Variants in ASAP1 observed in about 807,000 individuals in gnomAD.
ASAP1 encodes the protein ArfGAP with SH3 domain, ankyrin repeat and PH domain 1.
A neutral mutation model predicts 145.2 loss-of-function variants in ASAP1; 43 were observed. The observed-to-expected ratio is 0.30, with a 90% confidence interval of 0.23 to 0.38. The LOEUF (loss-of-function observed/expected upper bound fraction) is 0.38. Ranked by LOEUF, ASAP1 falls within the 10% of genes least tolerant of loss-of-function variation. The pLI is 1.00. For missense variants in ASAP1, 1,018 were observed against 1,355.3 expected (o/e 0.75, Z 3.91); for synonymous variants, 546 against 515.5 (o/e 1.06, Z -0.80).
At chr8:130,400,099 C>T (rs1828715749) in intron 2 of ASAP1, among the ~76,000 whole-genome samples, 1 of 152,160 alleles carries the variant, frequency 6.6e-6, no homozygotes, top group Non-Finnish European at 1.5e-5. Flanking sequence ...GGATTACAGG[C>T]GTGAGCCATC....
chr8:130,352,212 GTTT>G (rs11420981), intron 3 of ASAP1, among the ~76,000 whole-genome samples: 1 of 139,676 alleles, frequency 7.2e-6, no homozygotes. Context: ...CTTCCTAAGG[GTTT>G]TTTTTTTTTT....
chr8:130,167,809 T>A (rs561545833), intron 10 of ASAP1, among the ~76,000 whole-genome samples, 187 bp from the exon 11 acceptor site: 28 of 152,212 alleles, frequency 1.8e-4, no homozygotes, highest in Non-Finnish European at 2.4e-4. Flanking sequence ...GTTTTGAAAT[T>A]AGTGAATAAT....
At chr8:130,416,353 T>A (rs1222258601) in intron 1 of ASAP1, among the ~76,000 whole-genome samples, 1 of 152,242 alleles carries the variant, frequency 6.6e-6, no homozygotes, top group Non-Finnish European at 1.5e-5. Context: ...GCTAGCACAG[T>A]GCCTGGCCTA....
At chr8:130,282,211 A>G (rs1482204493) in intron 3 of ASAP1, among the ~76,000 whole-genome samples, 2 of 152,226 alleles carry the variant, frequency 1.3e-5, no homozygotes, top group Non-Finnish European at 2.9e-5. Flanking sequence ...AGTGTCTAAA[A>G]TCCTGCAAGT....
rs1425941577 is a variant in ASAP1, at chr8:130,092,048, C to T, written c.2497G>A (p.Gly833Arg). 1.9e-6 allele frequency: 3 copies of T among 1,573,842 alleles called. No individual in the cohort carries two copies. Among genetic ancestry groups the T allele is most frequent in the Non-Finnish European group, 2.6e-6 (3 of 1,164,648 alleles). Residue 833 changes from glycine (G) to arginine (R), a missense_variant, in exon 25 of 30, where the codon GGA becomes AGA. Gly to Arg is a moderately radical substitution (Grantham distance 125). Around this residue, in one of 9 missense-constraint regions of ASAP1, gnomAD observed 353 missense variants for 375.4 expected, o/e 0.94. Transcript: ENST00000518721. The part of the protein sequence containing the change: ...SKKRPPPPPP[G>R]HKRTLSDPPS... ...GGGTCGGATAGGGTTCTCTTGTGTC[C>T]GGGTGGTGGGGGAGGAGGCCTCTTC...
At chr8:130,256,738 CTT>C (rs1491218624) in intron 3 of ASAP1, among the ~76,000 whole-genome samples, 1,530 of 70,690 alleles carry the variant, frequency 0.022, 102 homozygotes, top group Middle Eastern at 0.039. Flanking sequence ...TATACACATT[CTT>C]ATATATATAT....
chr8:130,385,292 C>T (rs930035182), intron 2 of ASAP1, among the ~76,000 whole-genome samples: 1 of 152,270 alleles, frequency 6.6e-6, no homozygotes, highest in South Asian at 2.1e-4. Context: ...ATGGTGAAAC[C>T]CCGTCTCCAC....
intron 2 of ASAP1, among the ~76,000 whole-genome samples, chr8:130,375,431 A>G (rs1009931371): frequency 1.3e-5 from 2 of 151,910 alleles, no homozygotes; most frequent in Non-Finnish European, 2.9e-5. Context: ...ATAGTGGCTC[A>G]TGCCTGTAAT....
chr8:130,407,914 C>G (rs1156247157), intron 1 of ASAP1, among the ~76,000 whole-genome samples: 3 of 152,172 alleles, frequency 2.0e-5, no homozygotes, highest in Non-Finnish European at 4.4e-5. Flanking sequence ...ATTTTTTCCC[C>G]ATAATATCAA....
At chr8:130,239,060 AT>A (rs1314198009) in intron 3 of ASAP1, among the ~76,000 whole-genome samples, 1 of 152,158 alleles carries the variant, frequency 6.6e-6, no homozygotes, top group Admixed American at 6.6e-5. Flanking sequence ...AAAAACCAGG[AT>A]CACTTACCAT....
chr8:130,124,107 G>A lies in ASAP1; in HGVS notation c.1516-3C>T, dbSNP rs2097571061. On this transcript the variant is annotated splice_polypyrimidine_tract_variant and splice_region_variant and intron_variant, in intron 17 of 29. Transcript: ENST00000518721. ...TTGTTTCCTACATTCTTGGCCAGCTGTAACAGAAAAAACAAACAACCACAA... is the reference window on the plus strand; with the variant it reads ...TTGTTTCCTACATTCTTGGCCAGCTATAACAGAAAAAACAAACAACCACAA... The A allele has an allele frequency of 2.5e-6, 4 of 1,591,502 alleles. No homozygotes were observed. Among genetic ancestry groups the A allele is most frequent in the South Asian group, 2.3e-5 (2 of 86,520 alleles).
At chr8:130,208,841 G>A (rs2136378365) in intron 5 of ASAP1, 1 of 152,256 alleles carries the variant, frequency 6.6e-6, no homozygotes, top group East Asian at 1.9e-4. Context: ...TTGGGAAAGT[G>A]TGTCTGCTCT....
At chr8:130,361,610 G>T in intron 2 of ASAP1, 1 of 1,241,584 alleles carries the variant, frequency 8.1e-7, no homozygotes, top group African/African-American at 1.5e-5. Flanking sequence ...GCTTTGGTAA[G>T]TATATACCTC....
At chr8:130,111,604 A>T (rs1019185164) in intron 24 of ASAP1, among the ~76,000 whole-genome samples, 9 of 152,250 alleles carry the variant, frequency 5.9e-5, no homozygotes, top group Non-Finnish European at 1.5e-5. Flanking sequence ...CAAGTGCTCC[A>T]TAACTATTAA....
intron 25 of ASAP1, 140 bp downstream of exon 25, chr8:130,091,833 G>C: frequency 1.1e-6 from 1 of 897,992 alleles, no homozygotes; most frequent in Non-Finnish European, 1.6e-6. Flanking sequence ...GTAGAATCAT[G>C]TCATATATAC....
rs563780819 is a variant in ASAP1, at chr8:130,401,139, C to T, written c.59+746G>A. On this transcript the variant is annotated intron_variant, in intron 2 of 29. Transcript: ENST00000518721. ...TGAGGTGATTCTCCCGCCTCGGCCT[C>T]CCAAAGTGCCAGGATTACAGGCATG... 2.6e-5 allele frequency among the ~76,000 whole-genome samples: 4 copies of T among 152,252 alleles called. No individual in the cohort carries two copies. In the East Asian group the frequency reaches 7.7e-4, roughly 29 times the overall value.
chr8:130,329,082 G>A (rs1306955841), intron 3 of ASAP1, among the ~76,000 whole-genome samples: 1 of 152,196 alleles, frequency 6.6e-6, no homozygotes, highest in Non-Finnish European at 1.5e-5. Flanking sequence ...CTCCTGACCA[G>A]ATGGTGGGTG....
At position 130,052,244 on chromosome 8, in the gene ASAP1, C is replaced by T. The variant is rs2097394363; in HGVS notation, c.*2487G>A. On this transcript the variant is annotated 3_prime_UTR_variant, in exon 30 of 30. Transcript: ENST00000518721. ...GTGTACTGATGTTTGATGGTAACAT[C>T]CAGATGAGAATTCGGCATTTAACTA... 1 of 152,612 alleles carries T rather than the reference C, an allele frequency of 6.6e-6. No homozygotes were observed. Among genetic ancestry groups the T allele is most frequent in the Non-Finnish European group, 1.5e-5 (1 of 68,036 alleles). 9.5% of individuals were successfully genotyped at this position (152,612 alleles called of 1,614,324 possible).
intron 9 of ASAP1, among the ~76,000 whole-genome samples, chr8:130,172,159 T>C (rs1813634578): frequency 6.6e-6 from 1 of 152,202 alleles, no homozygotes; most frequent in South Asian, 2.1e-4. Flanking sequence ...GTGGGGCAGT[T>C]AGCATGTGCT....
Sources: allele counts gnomAD v4.1 joint callset (sites outside exome capture counted in the v4.1 genomes callset), GRCh38; gene constraint gnomAD v4.1.1; regional missense constraint gnomAD v4.1.1; transcripts MANE v1.5; gene names NCBI Gene and HGNC (gene_info 2026-07-23, HGNC 2026-07-21).